ASTN2: variants seen among roughly 807,000 people sequenced by gnomAD.
The protein encoded by ASTN2 is astrotactin 2.
A neutral mutation model predicts 139.8 loss-of-function variants in ASTN2; 54 were observed. The observed-to-expected ratio is 0.39, with a 90% CI of 0.31 to 0.48. ASTN2 has a LOEUF of 0.48. ASTN2 is among the 20% of genes least tolerant of loss of function. The pLI, the probability that ASTN2 is intolerant of heterozygous loss-of-function variation, is 0.95. For synonymous variants in ASTN2, 756 were observed against 719.5 expected, an observed-to-expected ratio of 1.05 and a Z score of -0.81; for missense variants, 1,565 against 1,725.1, an observed-to-expected ratio of 0.91 and a Z score of 1.64.
chr9:116,493,348 T>C (rs911120407), intron 19 of ASTN2, among the ~76,000 whole-genome samples: 1 of 152,184 alleles, frequency 6.6e-6, no homozygotes, highest in Admixed American at 6.5e-5. Flanking sequence ...TTTTCCTGTT[T>C]TTCTTTCCTT....
chr9:116,666,004 T>G (rs1858840612), intron 16 of ASTN2, among the ~76,000 whole-genome samples: 1 of 152,216 alleles, frequency 6.6e-6, no homozygotes, highest in Non-Finnish European at 1.5e-5. Flanking sequence ...CCATATTTTT[T>G]ATGGAAATAC....
intron 13 of ASTN2, among the ~76,000 whole-genome samples, chr9:116,803,503 TATATATATATATATATATA>T (rs1317899409): frequency 2.2e-3 from 14 of 6,482 alleles, no homozygotes; most frequent in East Asian, 0.012. Context: ...TATATATATA[TATATATATATATATATATA>T]TTTTTTTTTT....
chr9:116,466,856 T>C (rs1848661391), intron 20 of ASTN2, among the ~76,000 whole-genome samples: 1 of 152,166 alleles, frequency 6.6e-6, no homozygotes, highest in Admixed American at 6.5e-5. Flanking sequence ...ATCTGTAGAA[T>C]GGGGATAATA....
chr9:116,843,426 G>A (rs769424253), intron 11 of ASTN2, among the ~76,000 whole-genome samples: 4 of 152,148 alleles, frequency 2.6e-5, no homozygotes, highest in Non-Finnish European at 4.4e-5. Flanking sequence ...GGGAGGCCAA[G>A]GTGGATAGAT....
At chr9:117,258,994 TTC>T (rs1280327791) in intron 2 of ASTN2, among the ~76,000 whole-genome samples, 1 of 152,180 alleles carries the variant, frequency 6.6e-6, no homozygotes, top group African/African-American at 2.4e-5. Context: ...CATTTCAAGT[TTC>T]TGACTCTTCT....
chr9:116,455,868 T>C lies in ASTN2; in HGVS notation c.3498-13315A>G, dbSNP rs138304790. 1.5e-3 allele frequency among the ~76,000 whole-genome samples: 233 copies of C among 152,022 alleles called. 1 individual carries two copies. Among genetic ancestry groups the C allele is most frequent in the Non-Finnish European group, 2.8e-3 (193 of 67,946 alleles). On this transcript the variant is annotated intron_variant, in intron 20 of 22. Transcript: ENST00000313400. Reference sequence around the variant, plus strand: ...TATTAGATATAAAACAGTTCATAGTTCAACACAATAAAACTATATACAATA... The same window carrying C: ...TATTAGATATAAAACAGTTCATAGTCCAACACAATAAAACTATATACAATA...
chr9:116,491,476 T>C (rs1254004992), intron 19 of ASTN2, among the ~76,000 whole-genome samples: 1 of 152,188 alleles, frequency 6.6e-6, no homozygotes, highest in East Asian at 1.9e-4. Context: ...CAATTTGCAA[T>C]TGAATTCCCG....
intron 11 of ASTN2, among the ~76,000 whole-genome samples, chr9:116,821,106 T>C (rs1831472511): frequency 6.6e-6 from 1 of 152,164 alleles, no homozygotes; most frequent in Admixed American, 6.5e-5. Context: ...CTAATATTGA[T>C]ATTGCTGGGA....
intron 10 of ASTN2, among the ~76,000 whole-genome samples, chr9:116,895,505 T>C (rs927334613): frequency 3.9e-5 from 6 of 152,150 alleles, no homozygotes; most frequent in Admixed American, 3.9e-4. Context: ...GAAGCGGTCA[T>C]GGTTTTGGCA....
intron 12 of ASTN2, among the ~76,000 whole-genome samples, chr9:116,820,214 C>T (rs1384588452): frequency 1.3e-5 from 2 of 152,178 alleles, no homozygotes; most frequent in Non-Finnish European, 2.9e-5. Flanking sequence ...GAAGGCTGGA[C>T]TTAGCCTGTG....
intron 6 of ASTN2, among the ~76,000 whole-genome samples, chr9:117,009,004 A>G (rs1465932466): frequency 1.3e-5 from 2 of 152,272 alleles, no homozygotes; most frequent in East Asian, 3.9e-4. Context: ...CCAAGAAAAA[A>G]ATGCCCTGAT....
At chr9:116,435,806 T>G (rs1480128367) in intron 22 of ASTN2, among the ~76,000 whole-genome samples, 1 of 152,194 alleles carries the variant, frequency 6.6e-6, no homozygotes, top group Admixed American at 6.5e-5. Flanking sequence ...GCCAACAACA[T>G]TAACATCACT....
chr9:116,578,594 T>G (rs1442714856), intron 19 of ASTN2, among the ~76,000 whole-genome samples: 1 of 151,032 alleles, frequency 6.6e-6, no homozygotes, highest in Admixed American at 6.6e-5. Flanking sequence ...GAGTCAGGAT[T>G]TGAACCCAGG....
At chr9:116,468,222 CT>C (rs1381134289) in intron 20 of ASTN2, among the ~76,000 whole-genome samples, 4 of 151,982 alleles carry the variant, frequency 2.6e-5, no homozygotes, top group African/African-American at 9.6e-5. Context: ...CTCCCAAAGG[CT>C]TTCTTTCCTT....
At chr9:116,643,763 G>A (rs750387564) in intron 17 of ASTN2, among the ~76,000 whole-genome samples, 14 of 152,126 alleles carry the variant, frequency 9.2e-5, no homozygotes, top group African/African-American at 1.4e-4. Flanking sequence ...GTTCTACTAT[G>A]TGCCCATATC....
At chr9:116,573,013 G>GCA (rs143295727) in intron 19 of ASTN2, among the ~76,000 whole-genome samples, 4,110 of 136,730 alleles carry the variant, frequency 0.03, 322 homozygotes, top group South Asian at 0.26. Context: ...GTGGGTACAT[G>GCA]CACACACACA....
intron 4 of ASTN2, among the ~76,000 whole-genome samples, chr9:117,105,736 G>A (rs554220173): frequency 6.6e-6 from 1 of 152,284 alleles, no homozygotes; most frequent in South Asian, 2.1e-4. Flanking sequence ...AGATGAGCTG[G>A]TGTGGTGTCC....
chr9:117,345,300 A>G (rs965937119), intron 1 of ASTN2, among the ~76,000 whole-genome samples: 2 of 152,166 alleles, frequency 1.3e-5, no homozygotes, highest in Non-Finnish European at 2.9e-5. Flanking sequence ...CCTTCAGTAG[A>G]AAATAAAGAG....
chr9:117,257,632 C>T (rs1833722361), intron 2 of ASTN2, among the ~76,000 whole-genome samples: 1 of 152,118 alleles, frequency 6.6e-6, no homozygotes, highest in Admixed American at 6.5e-5. Context: ...GCAGCCACCA[C>T]AGAAAATTTT....
Sources: allele counts gnomAD v4.1 joint callset (sites outside exome capture counted in the v4.1 genomes callset), GRCh38; gene constraint gnomAD v4.1.1; transcripts MANE v1.5; gene names NCBI Gene and HGNC (gene_info 2026-07-23, HGNC 2026-07-21).